GPR158: variants seen among roughly 807,000 people sequenced by gnomAD.
GPR158 encodes metabotropic glycine receptor.
A neutral mutation model predicts 78.2 loss-of-function variants in GPR158; 30 were observed. The observed-to-expected ratio is 0.38, with a 90% CI of 0.29 to 0.52. The LOEUF (loss-of-function observed/expected upper bound fraction) is 0.52. Among genes scored for constraint, GPR158 ranks in the 20% least tolerant of loss-of-function variants. The probability of loss-of-function intolerance (pLI) is 0.83; values close to 1 mark genes in which losing one functional copy is unlikely to be tolerated. For missense variants in GPR158, 1,463 were observed against 1,523.5 expected (o/e 0.96, Z 0.66); for synonymous variants, 581 against 591.1 (o/e 0.98, Z 0.25).
chr10:25,564,528 T>C (rs1224856347), intron 6 of GPR158, among the ~76,000 whole-genome samples: 1 of 152,158 alleles, frequency 6.6e-6, no homozygotes, highest in African/African-American at 2.4e-5. Flanking sequence ...CCTAGGAAAA[T>C]TAGCAGTTGG....
intron 3 of GPR158, among the ~76,000 whole-genome samples, chr10:25,408,739 T>A (rs1304451914): frequency 6.6e-6 from 1 of 152,228 alleles, no homozygotes; most frequent in African/African-American, 2.4e-5. Flanking sequence ...ATGGATACCT[T>A]TTTTTCATCA....
intron 5 of GPR158, among the ~76,000 whole-genome samples, chr10:25,473,341 G>A (rs1161072072): frequency 1.3e-5 from 2 of 152,112 alleles, no homozygotes; most frequent in African/African-American, 4.8e-5. Context: ...TTGATGTGCT[G>A]CTGGATTCGG....
chr10:25,390,974 T>C (rs2130521277), intron 2 of GPR158, among the ~76,000 whole-genome samples: 1 of 152,182 alleles, frequency 6.6e-6, no homozygotes, highest in Middle Eastern at 3.4e-3. Context: ...GCCCCGTGTG[T>C]CAGCTGTGGC....
At chr10:25,568,968 T>C (rs1217012917) in intron 6 of GPR158, among the ~76,000 whole-genome samples, 1 of 152,218 alleles carries the variant, frequency 6.6e-6, no homozygotes, top group Non-Finnish European at 1.5e-5. Context: ...CAAATGCATG[T>C]CTACATATTC....
intron 5 of GPR158, among the ~76,000 whole-genome samples, chr10:25,544,623 A>C (rs1836636444): frequency 6.6e-6 from 1 of 152,088 alleles, no homozygotes; most frequent in South Asian, 2.1e-4. Context: ...TGATTTTCTC[A>C]ATTTCTTCAC....
At chr10:25,179,875 A>AT (rs1852592214) in intron 1 of GPR158, among the ~76,000 whole-genome samples, 1 of 152,186 alleles carries the variant, frequency 6.6e-6, no homozygotes, top group South Asian at 2.1e-4. Context: ...GCTTTGTAAT[A>AT]TCCTTGAAGC....
At chr10:25,229,785 T>C (rs1198749233) in intron 2 of GPR158, among the ~76,000 whole-genome samples, 1 of 152,170 alleles carries the variant, frequency 6.6e-6, no homozygotes, top group African/African-American at 2.4e-5. Context: ...ACCTTGGAAA[T>C]TGGGTAGGAG....
intron 5 of GPR158, among the ~76,000 whole-genome samples, chr10:25,515,520 TCCCCCCA>T (rs1235998779): frequency 1.2e-5 from 1 of 81,594 alleles, no homozygotes; most frequent in East Asian, 4.4e-4. Flanking sequence ...CCCTCCCCCC[TCCCCCCA>T]CCCCACCACA....
intron 5 of GPR158, among the ~76,000 whole-genome samples, chr10:25,512,485 C>A (rs1222768477): frequency 6.6e-6 from 1 of 152,092 alleles, no homozygotes. Context: ...CAAACAGCAA[C>A]AATTTGACTT....
chr10:25,596,919 G>A (rs963054262), intron 10 of GPR158, 130 bp downstream of exon 10: 4 of 742,976 alleles, frequency 5.4e-6, no homozygotes, highest in Non-Finnish European at 6.7e-6. Context: ...TCAGAAAGAG[G>A]GAATGTGTTT....
intron 2 of GPR158, among the ~76,000 whole-genome samples, chr10:25,308,389 C>T (rs367907769): frequency 5.3e-5 from 8 of 152,196 alleles, no homozygotes; most frequent in East Asian, 3.9e-4. Flanking sequence ...CTTGTGAGAA[C>T]ATGTGGTATT....
At chr10:25,256,021 C>T (rs952983309) in intron 2 of GPR158, among the ~76,000 whole-genome samples, 3 of 152,126 alleles carry the variant, frequency 2.0e-5, no homozygotes, top group Admixed American at 2.0e-4. Flanking sequence ...CTATTTTCAA[C>T]ATTGGTTTAG....
chr10:25,598,643 T>C lies in GPR158; in HGVS notation c.3017T>C (p.Val1006Ala), dbSNP rs1230332679. The C allele has an allele frequency of 6.2e-7, 1 of 1,613,622 alleles. No individual in the cohort carries two copies. Residue 1006 changes from valine (V) to alanine (A), a missense_variant, in exon 11 of 11, where the codon GTG becomes GCG. Val to Ala is a moderately conservative substitution (Grantham distance 64, BLOSUM62 0). Coordinates refer to ENST00000376351, the MANE Select transcript of GPR158 (RefSeq NM_020752.3). ...QMKDNFDIGE[V>A]CPWEVYDLTP... ...AAGGACAACTTTGACATTGGGGAGG[T>C]GTGTCCTTGGGAGGTTTATGACCTG...
chr10:25,326,832 A>G (rs1447250957), intron 2 of GPR158, among the ~76,000 whole-genome samples: 3 of 152,194 alleles, frequency 2.0e-5, no homozygotes, highest in Non-Finnish European at 4.4e-5. Context: ...ATATATCAAA[A>G]CATCACATTG....
At chr10:25,530,270 A>C (rs749891865) in intron 5 of GPR158, among the ~76,000 whole-genome samples, 8 of 152,250 alleles carry the variant, frequency 5.3e-5, no homozygotes, top group Non-Finnish European at 7.3e-5. Flanking sequence ...ATATGTGGGC[A>C]TATTTTAATG....
intron 2 of GPR158, among the ~76,000 whole-genome samples, chr10:25,319,377 A>T (rs1564421127): frequency 6.6e-6 from 1 of 151,834 alleles, no homozygotes; most frequent in African/African-American, 2.4e-5. Flanking sequence ...GCCATGTCTT[A>T]TTTTTTTTGT....
chr10:25,423,639 G>C (rs1296102626), intron 4 of GPR158, among the ~76,000 whole-genome samples: 1 of 152,056 alleles, frequency 6.6e-6, no homozygotes, highest in Non-Finnish European at 1.5e-5. Flanking sequence ...TGCAGTATTT[G>C]GTTCTCTGTC....
chr10:25,383,272 A>G (rs978910076), intron 2 of GPR158, among the ~76,000 whole-genome samples: 3 of 152,188 alleles, frequency 2.0e-5, no homozygotes, highest in Non-Finnish European at 1.5e-5. Context: ...CAAGCTTTTA[A>G]TCTTTCTTTA....
At chr10:25,430,222 C>T (rs1057336547) in intron 4 of GPR158, among the ~76,000 whole-genome samples, 1 of 152,022 alleles carries the variant, frequency 6.6e-6, no homozygotes. Context: ...CAATAACAGA[C>T]AAACAGAGAG....
Sources: allele counts gnomAD v4.1 joint callset (sites outside exome capture counted in the v4.1 genomes callset), GRCh38; gene constraint gnomAD v4.1.1; transcripts MANE v1.5; gene names NCBI Gene and HGNC (gene_info 2026-07-23, HGNC 2026-07-21).